FUBP3: variants seen among roughly 807,000 people sequenced by gnomAD.
FUBP3 encodes far upstream element binding protein 3.
In FUBP3, 28 loss-of-function variants were observed where a neutral mutation model predicts 85.6. The observed-to-expected ratio is 0.33, with a 90% CI of 0.24 to 0.45. The LOEUF (loss-of-function observed/expected upper bound fraction) is 0.45, where lower values mean the gene tolerates loss of function less well. FUBP3 is among the 20% of genes least tolerant of loss of function. The pLI is 1.00. For missense variants in FUBP3, 583 were observed against 755.1 expected (o/e 0.77, Z 2.67); for synonymous variants, 271 against 271.4 (o/e 1.00, Z 0.01).
At chr9:130,592,005 G>C (rs1418913428) in intron 1 of FUBP3, among the ~76,000 whole-genome samples, 4 of 152,202 alleles carry the variant, frequency 2.6e-5, no homozygotes, top group African/African-American at 9.7e-5. Context: ...GCCGAAGCAG[G>C]TGGATCACCT....
At chr9:130,589,673 G>GTATA (rs1291689029) in intron 1 of FUBP3, among the ~76,000 whole-genome samples, 30 of 28,326 alleles carry the variant, frequency 1.1e-3, no homozygotes, top group Admixed American at 3.3e-3. Context: ...ATGTATGTGT[G>GTATA]TGTATATATA....
chr9:130,582,467 A>G (rs1830171888), intron 1 of FUBP3, among the ~76,000 whole-genome samples: 1 of 152,020 alleles, frequency 6.6e-6, no homozygotes, highest in South Asian at 2.1e-4. Flanking sequence ...AAAAAAAGAA[A>G]AAGAAAAAGA....
At chr9:130,591,344 G>C (rs772640707) in intron 1 of FUBP3, among the ~76,000 whole-genome samples, 2 of 152,188 alleles carry the variant, frequency 1.3e-5, no homozygotes, top group Non-Finnish European at 2.9e-5. Context: ...TCGGGAGGCT[G>C]AGGCAGGAGA....
At chr9:130,592,431 C>T (rs1830667148) in intron 1 of FUBP3, among the ~76,000 whole-genome samples, 1 of 152,178 alleles carries the variant, frequency 6.6e-6, no homozygotes, top group Non-Finnish European at 1.5e-5. Flanking sequence ...GATTGCCAAG[C>T]CCTGGCCTAG....
At chr9:130,621,490 A>C (rs1340370182) in intron 9 of FUBP3, among the ~76,000 whole-genome samples, 8 of 152,218 alleles carry the variant, frequency 5.3e-5, no homozygotes, top group Admixed American at 1.3e-4. Context: ...CAGCCCAGGT[A>C]ACAGTGTGTA....
intron 2 of FUBP3, among the ~76,000 whole-genome samples, chr9:130,608,984 C>T (rs182396450): frequency 9.8e-5 from 15 of 152,302 alleles, no homozygotes; most frequent in East Asian, 9.6e-4. Flanking sequence ...CGATCCTTTG[C>T]GACTTAGCTC....
chr9:130,625,859 T>A (rs1829949030), intron 11 of FUBP3, among the ~76,000 whole-genome samples: 1 of 152,202 alleles, frequency 6.6e-6, no homozygotes, highest in Non-Finnish European at 1.5e-5. Context: ...TTTCTAAAAC[T>A]GAGTAAAATC....
rs529279969 is a variant in FUBP3 at position 130,627,427 on chromosome 9, G to C, written c.1117+922G>C. 9.8e-5 allele frequency among the ~76,000 whole-genome samples: 15 copies of C among 152,330 alleles called. No homozygotes were observed. In the South Asian group the frequency reaches 3.1e-3, roughly 32 times the overall value. Reference sequence around the variant, plus strand: ...CCCCTTAGCTGCTTGAGGGGCGCTCGTATTGGATAGGCAGGACTTGGGGAT... The same window carrying C: ...CCCCTTAGCTGCTTGAGGGGCGCTCCTATTGGATAGGCAGGACTTGGGGAT... On this transcript the variant is annotated intron_variant, in intron 12 of 18. Coordinates refer to ENST00000319725, the MANE Select transcript of FUBP3 (RefSeq NM_003934.2).
chr9:130,610,734 A>G (rs1049405228), intron 3 of FUBP3, among the ~76,000 whole-genome samples: 7 of 152,204 alleles, frequency 4.6e-5, no homozygotes, highest in Non-Finnish European at 1.5e-5. Flanking sequence ...ACCTTCTATC[A>G]GCAAAACAAT....
chr9:130,600,498 TTTTC>T (rs1831102400), intron 2 of FUBP3, among the ~76,000 whole-genome samples: 1 of 152,086 alleles, frequency 6.6e-6, no homozygotes, highest in Non-Finnish European at 1.5e-5. Context: ...GTTGGCAAGC[TTTTC>T]TTTCTTTTTT....
intron 7 of FUBP3, among the ~76,000 whole-genome samples, 175 bp from the exon 8 acceptor site, chr9:130,617,622 C>T (rs532253175): frequency 2.0e-5 from 3 of 152,290 alleles, no homozygotes; most frequent in South Asian, 2.1e-4. Flanking sequence ...TGGTCGTACC[C>T]GACCTATATG....
chr9:130,609,229 A>G (rs924623560), intron 2 of FUBP3, among the ~76,000 whole-genome samples: 11 of 152,208 alleles, frequency 7.2e-5, no homozygotes, highest in African/African-American at 2.7e-4. Context: ...TGGAACAAAA[A>G]GTGTAGCTAA....
chr9:130,590,993 ATTTTTG>A (rs1316025863), intron 1 of FUBP3, among the ~76,000 whole-genome samples: 3 of 135,762 alleles, frequency 2.2e-5, no homozygotes, highest in African/African-American at 8.3e-5. Context: ...GCCACTTTTT[ATTTTTG>A]TTTTTGTTTG....
rs1235123785 is a variant in FUBP3 at position 130,616,853 on chromosome 9, T to A, written c.567+336T>A. Among the ~76,000 whole-genome samples the A allele has an allele frequency of 6.6e-6, 1 of 152,270 alleles. No individual in the cohort carries two copies. The highest frequency in any genetic ancestry group is 2.4e-5 in the African/African-American group (1 of 41,476). On this transcript the variant is annotated intron_variant, in intron 7 of 18. Transcript: ENST00000319725. This position sits in a 1 kb window ranked among gnomAD's most constrained non-coding sequence, Gnocchi z 4.7. ...AAGTGCAGTATTTGGAGTCAGAGGC[T>A]CTGACCCAGCATTCTTCCTCACTGA...
intron 3 of FUBP3, among the ~76,000 whole-genome samples, chr9:130,611,588 C>A (rs1831746569): frequency 1.3e-5 from 2 of 151,322 alleles, no homozygotes; most frequent in African/African-American, 2.4e-5. Flanking sequence ...TGCACTTATT[C>A]AATCCTTTCT....
intron 1 of FUBP3, among the ~76,000 whole-genome samples, chr9:130,584,131 T>TA (rs1387527513): frequency 6.6e-6 from 1 of 152,302 alleles, no homozygotes; most frequent in East Asian, 1.9e-4. Context: ...GAAATTTACT[T>TA]AGACCACAGT....
At chr9:130,591,876 AACT>A (rs1382540468) in intron 1 of FUBP3, among the ~76,000 whole-genome samples, 1 of 152,224 alleles carries the variant, frequency 6.6e-6, no homozygotes, top group Non-Finnish European at 1.5e-5. Flanking sequence ...AATGACATGA[AACT>A]ACTACATACG....
At chr9:130,620,791 A>G (rs1167631330) in intron 9 of FUBP3, among the ~76,000 whole-genome samples, 1 of 152,224 alleles carries the variant, frequency 6.6e-6, no homozygotes, top group Admixed American at 6.5e-5. Context: ...GTGTTTATTG[A>G]TGAGGTTGCA....
At chr9:130,600,373 C>T (rs575078868) in intron 2 of FUBP3, among the ~76,000 whole-genome samples, 1 of 152,210 alleles carries the variant, frequency 6.6e-6, no homozygotes, top group Admixed American at 6.5e-5. Flanking sequence ...CAAGTTCTCC[C>T]GTGTTTCCTA....
Sources: gnomAD v4.1 joint callset for allele counts (sites outside exome capture counted in the v4.1 genomes callset) on GRCh38, gnomAD v4.1.1 for gene constraint, Gnocchi (gnomAD v3.1) non-coding constraint, MANE v1.5 for transcripts, NCBI Gene and HGNC (gene_info 2026-07-23, HGNC 2026-07-21) for gene names.